Variants in TTC28 observed in about 807,000 individuals in gnomAD.
The protein encoded by TTC28 is tetratricopeptide repeat protein 28.
Under a neutral mutation model 198.0 loss-of-function variants are expected in TTC28, and 61 were observed. The observed-to-expected ratio is 0.31, with a 90% CI of 0.25 to 0.38. The LOEUF (loss-of-function observed/expected upper bound fraction) is 0.38. Ranked by LOEUF, TTC28 falls within the 10% of genes least tolerant of loss-of-function variation. TTC28 has a pLI of 1.00. For synonymous variants in TTC28, 1,171 were observed against 1,297.8 expected, an observed-to-expected ratio of 0.90 and a Z score of 2.10; for missense variants, 2,678 against 3,164.0, an observed-to-expected ratio of 0.85 and a Z score of 3.69.
intron 6 of TTC28, among the ~76,000 whole-genome samples, chr22:28,151,279 A>G (rs117235863): frequency 6.6e-6 from 1 of 152,222 alleles, no homozygotes; most frequent in African/African-American, 2.4e-5. Flanking sequence ...TAGCATCTAC[A>G]AATGAACCAA....
At chr22:28,482,200 G>A (rs866095488) in intron 2 of TTC28, among the ~76,000 whole-genome samples, 1 of 142,862 alleles carries the variant, frequency 7.0e-6, no homozygotes, top group African/African-American at 2.5e-5. Flanking sequence ...AGATAGTAAT[G>A]GGCAGTCTTT....
At chr22:28,679,021 C>T (rs375514137) in intron 1 of TTC28, among the ~76,000 whole-genome samples, 4 of 152,362 alleles carry the variant, frequency 2.6e-5, no homozygotes, top group South Asian at 2.1e-4. Flanking sequence ...ACATCCCGTC[C>T]AGCGGGAGCC....
intron 5 of TTC28, among the ~76,000 whole-genome samples, chr22:28,294,585 C>G (rs1003057382): frequency 1.5e-4 from 23 of 151,532 alleles, no homozygotes; most frequent in Non-Finnish European, 1.6e-4. Flanking sequence ...TCTTTCCCCC[C>G]CAAGATGGAG....
intron 6 of TTC28, among the ~76,000 whole-genome samples, chr22:28,157,380 A>G (rs1407638299): frequency 6.6e-6 from 1 of 152,218 alleles, no homozygotes; most frequent in Non-Finnish European, 1.5e-5. Flanking sequence ...AAGAGGAACT[A>G]ATACCAATCC....
At chr22:28,207,492 A>C (rs73882709) in intron 5 of TTC28, among the ~76,000 whole-genome samples, 1 of 152,030 alleles carries the variant, frequency 6.6e-6, no homozygotes, top group African/African-American at 2.4e-5. Context: ...ACAAGTTACT[A>C]ATCCTTCCGG....
At chr22:28,555,894 C>T (rs1410717271) in intron 2 of TTC28, among the ~76,000 whole-genome samples, 1 of 152,134 alleles carries the variant, frequency 6.6e-6, no homozygotes, top group African/African-American at 2.4e-5. Flanking sequence ...AAATTAGATG[C>T]TACTCTTTTA....
chr22:28,191,213 AT>A (rs752904470), intron 5 of TTC28, among the ~76,000 whole-genome samples: 2 of 152,210 alleles, frequency 1.3e-5, no homozygotes, highest in African/African-American at 2.4e-5. Context: ...CTTGATTCAA[AT>A]TATGCTAAAG....
chr22:28,208,188 C>T (rs539403167), intron 5 of TTC28, among the ~76,000 whole-genome samples: 1 of 152,240 alleles, frequency 6.6e-6, no homozygotes, highest in East Asian at 1.9e-4. Flanking sequence ...CCCCAGGAAG[C>T]ACACACTAAA....
In TTC28 at chr22:28,629,426, AT is replaced by A. The variant is rs377674364; in HGVS notation, c.381+125del. Reference sequence around the variant, plus strand: ...TACCAGCTCAAGGAAGTCATTTTATATTTTGCTGAAGTACAGATTATTAAAA... The same window carrying A: ...TACCAGCTCAAGGAAGTCATTTTATATTTGCTGAAGTACAGATTATTAAAA... On this transcript the variant is annotated intron_variant, in intron 2 of 22. Coordinates refer to ENST00000397906, the MANE Select transcript of TTC28 (RefSeq NM_001145418.2). 1,515 of 958,266 alleles carry A rather than the reference AT, an allele frequency of 1.6e-3. 20 individuals carry two copies. In the African/African-American group the frequency reaches 0.022, roughly 14 times the overall value. 59.4% of individuals were successfully genotyped at this position (958,266 alleles called of 1,614,324 possible).
intron 2 of TTC28, among the ~76,000 whole-genome samples, chr22:28,409,409 T>C (rs2047046865): frequency 6.6e-6 from 1 of 152,086 alleles, no homozygotes; most frequent in South Asian, 2.1e-4. Context: ...AAGCATCATA[T>C]CCTGAGACCA....
chr22:27,990,066 A>C (rs1438126694), intron 20 of TTC28, 59 bp from the exon 21 acceptor site: 2 of 1,521,048 alleles, frequency 1.3e-6, no homozygotes, highest in African/African-American at 1.4e-5. Flanking sequence ...GCCCACCTCA[A>C]GACTCGACCC....
chr22:28,554,378 A>AC (rs1433909237), intron 2 of TTC28, among the ~76,000 whole-genome samples: 1 of 152,086 alleles, frequency 6.6e-6, no homozygotes, highest in Non-Finnish European at 1.5e-5. Context: ...AATTAAAAAA[A>AC]AAAAAAAAAG....
intron 2 of TTC28, among the ~76,000 whole-genome samples, chr22:28,394,218 G>A (rs202104294): frequency 2.6e-5 from 4 of 152,092 alleles, no homozygotes; most frequent in Admixed American, 2.6e-4. Context: ...TGAGTGGTCT[G>A]CACCCAACCC....
At chr22:28,249,694 G>A (rs901593315) in intron 5 of TTC28, among the ~76,000 whole-genome samples, 2 of 152,240 alleles carry the variant, frequency 1.3e-5, no homozygotes, top group Non-Finnish European at 2.9e-5. Context: ...AGGCAGGGTT[G>A]CATGCCCTCC....
intron 2 of TTC28, among the ~76,000 whole-genome samples, chr22:28,608,770 G>C (rs2050773886): frequency 6.6e-6 from 1 of 152,200 alleles, no homozygotes; most frequent in Non-Finnish European, 1.5e-5. Flanking sequence ...GAGAAACTTA[G>C]TAGTTCAAGG....
intron 3 of TTC28, among the ~76,000 whole-genome samples, chr22:28,305,743 A>G (rs1220227667): frequency 2.0e-5 from 3 of 152,164 alleles, no homozygotes; most frequent in African/African-American, 7.2e-5. Flanking sequence ...TCACTCCCCA[A>G]AGATAGCAAT....
chr22:28,054,766 T>C (rs987233397), intron 12 of TTC28, among the ~76,000 whole-genome samples: 3 of 152,206 alleles, frequency 2.0e-5, no homozygotes, highest in Non-Finnish European at 4.4e-5. Context: ...CAATAAACTC[T>C]GCTTAATATT....
chr22:28,522,435 C>T (rs1444820043), intron 2 of TTC28, among the ~76,000 whole-genome samples: 1 of 151,402 alleles, frequency 6.6e-6, no homozygotes, highest in African/African-American at 2.4e-5. Flanking sequence ...TTGCAGTGAG[C>T]CAAGATCGTG....
intron 2 of TTC28, among the ~76,000 whole-genome samples, chr22:28,481,926 T>C (rs2146323887): frequency 6.6e-6 from 1 of 152,246 alleles, no homozygotes; most frequent in East Asian, 1.9e-4. Flanking sequence ...TGTCATACAG[T>C]CAGTCAGCCC....
Sources: gnomAD v4.1 joint callset for allele counts (sites outside exome capture counted in the v4.1 genomes callset) on GRCh38, gnomAD v4.1.1 for gene constraint, MANE v1.5 for transcripts, NCBI Gene and HGNC (gene_info 2026-07-23, HGNC 2026-07-21) for gene names.